Variants in MOGAT1 observed in about 807,000 individuals in gnomAD.
The protein encoded by MOGAT1 is 2-acylglycerol O-acyltransferase 1.
MOGAT1 carries 32 observed loss-of-function variants against 31.4 expected under a neutral mutation model. The ratio of observed to expected loss-of-function variants is 1.02; its 90% CI spans 0.77 to 1.37. The LOEUF (loss-of-function observed/expected upper bound fraction) is 1.37. Ranked by LOEUF, MOGAT1 falls within the 40% of genes most tolerant of loss-of-function variation. The probability of loss-of-function intolerance (pLI) is 0.00; values close to 1 mark genes in which losing one functional copy is unlikely to be tolerated. For missense variants in MOGAT1, 426 were observed against 402.0 expected, an observed-to-expected ratio of 1.06 and a Z score of -0.51; for synonymous variants, 145 against 144.5, an observed-to-expected ratio of 1.00 and a Z score of -0.03.
intron 3 of MOGAT1, 105 bp downstream of exon 3, chr2:222,689,574 C>A (rs1379029226): frequency 9.8e-7 from 1 of 1,020,804 alleles, no homozygotes; most frequent in Non-Finnish European, 1.5e-6. Context: ...TAGAGTAAAA[C>A]CTGTTTTATC....
At chr2:222,672,084 C>A (rs951863124) in intron 1 of MOGAT1, among the ~76,000 whole-genome samples, 33 of 152,290 alleles carry the variant, frequency 2.2e-4, no homozygotes, top group Admixed American at 2.0e-3. Context: ...ATTTTATTTT[C>A]TCCTGCGTTA....
chr2:222,673,331 CAAAA>C (rs57706625), intron 1 of MOGAT1, among the ~76,000 whole-genome samples: 10 of 102,234 alleles, frequency 9.8e-5, no homozygotes, highest in Non-Finnish European at 1.8e-4. Flanking sequence ...TAGAATTTAC[CAAAA>C]AAAAAAAAAA....
At chr2:222,679,887 A>G (rs1391531932) in intron 1 of MOGAT1, among the ~76,000 whole-genome samples, 1 of 152,232 alleles carries the variant, frequency 6.6e-6, no homozygotes, top group Non-Finnish European at 1.5e-5. Flanking sequence ...GAGTCCGTGT[A>G]ATAAGGAAGT....
At chr2:222,691,955 C>T (rs975989597) in intron 3 of MOGAT1, among the ~76,000 whole-genome samples, 3 of 152,230 alleles carry the variant, frequency 2.0e-5, no homozygotes, top group Non-Finnish European at 4.4e-5. Flanking sequence ...GTTCATACTT[C>T]TTTCTGTTTA....
chr2:222,695,223 A>G lies in MOGAT1; in HGVS notation c.788A>G (p.His263Arg). 1 of 1,613,750 alleles carries G rather than the reference A, an allele frequency of 6.2e-7. No homozygotes were observed. Among genetic ancestry groups the G allele is most frequent in the Non-Finnish European group, 8.5e-7 (1 of 1,179,770 alleles). Residue 263 changes from histidine to arginine, a missense_variant, in exon 5 of 6, where the codon CAT becomes CGT. His to Arg is a conservative substitution (Grantham distance 29). Transcript: ENST00000446656. ...KIMGFALPLF[H>R]ARGVFQYNFG... ...ATGGGGTTTGCTTTGCCCCTGTTTC[A>G]TGCCAGGGGAGTTTTTCAGTACAAT...
At position 222,672,379 on chromosome 2, in the gene MOGAT1, T is replaced by C. The variant is rs549109493; in HGVS notation, c.94+500T>C. 9.2e-4 allele frequency among the ~76,000 whole-genome samples: 140 copies of C among 152,300 alleles called. 2 individuals are homozygous for C. In the South Asian group the frequency reaches 0.013, roughly 14 times the overall value. Reference sequence around the variant, plus strand: ...TTTCCCGTTTTGGAGATTTCCTGGATGCATAGCAGTACCTTTCTGTAAAGA... The same window carrying C: ...TTTCCCGTTTTGGAGATTTCCTGGACGCATAGCAGTACCTTTCTGTAAAGA... On this transcript the variant is annotated intron_variant, in intron 1 of 5. Coordinates refer to ENST00000446656, the MANE Select transcript of MOGAT1 (RefSeq NM_058165.3).
chr2:222,691,781 T>C (rs1692766699), intron 3 of MOGAT1, among the ~76,000 whole-genome samples: 1 of 152,146 alleles, frequency 6.6e-6, no homozygotes, highest in African/African-American at 2.4e-5. Flanking sequence ...TAAGGAACCA[T>C]AGGGCTTCAG....
chr2:222,688,641 G>A, intron 2 of MOGAT1, 119 bp downstream of exon 2: 2 of 721,298 alleles, frequency 2.8e-6, no homozygotes, highest in Non-Finnish European at 4.4e-6. Context: ...GTTTTGTGCT[G>A]CTGTAACAGA....
At chr2:222,673,524 A>G (rs1380859415) in intron 1 of MOGAT1, among the ~76,000 whole-genome samples, 1 of 152,144 alleles carries the variant, frequency 6.6e-6, no homozygotes, top group Non-Finnish European at 1.5e-5. Context: ...CATCCCTGTG[A>G]GGTAAGGACT....
intron 3 of MOGAT1, among the ~76,000 whole-genome samples, chr2:222,692,028 C>CT (rs751943198): frequency 2.0e-5 from 3 of 152,180 alleles, no homozygotes; most frequent in Non-Finnish European, 4.4e-5. Context: ...ATACAGAGGA[C>CT]TTTCGATTTT....
chr2:222,700,850 G>T (rs184814984), intron 5 of MOGAT1, among the ~76,000 whole-genome samples: 1 of 152,290 alleles, frequency 6.6e-6, no homozygotes, highest in East Asian at 1.9e-4. Flanking sequence ...ATGCAGTGTG[G>T]CTTCATTGCT....
intron 5 of MOGAT1, among the ~76,000 whole-genome samples, chr2:222,701,212 A>G (rs1235311815): frequency 6.6e-6 from 1 of 151,842 alleles, no homozygotes; most frequent in Non-Finnish European, 1.5e-5. Flanking sequence ...GTGAGCGGAG[A>G]TCGTGCCACT....
chr2:222,683,473 A>T (rs1043037978), intron 1 of MOGAT1, among the ~76,000 whole-genome samples: 1 of 151,516 alleles, frequency 6.6e-6, no homozygotes, highest in Non-Finnish European at 1.5e-5. Context: ...CACGCTTGTA[A>T]TCCCAGCATT....
intron 1 of MOGAT1, among the ~76,000 whole-genome samples, chr2:222,673,830 A>G (rs1038474505): frequency 1.3e-5 from 2 of 152,204 alleles, no homozygotes; most frequent in African/African-American, 4.8e-5. Context: ...GTCTTAGTCT[A>G]CAAGCTTAGT....
chr2:222,678,941 G>T (rs193065065), intron 1 of MOGAT1, among the ~76,000 whole-genome samples: 1 of 151,702 alleles, frequency 6.6e-6, no homozygotes, highest in Non-Finnish European at 1.5e-5. Flanking sequence ...AAAAAACTCC[G>T]TCTCAAAAAA....
rs552036218 is a variant in MOGAT1, at chr2:222,694,876, G to A, written c.654-213G>A. ...TTTCCTGGAACCCTAATTTTCTATA[G>A]AATAAAATCCTGTCAATGGCTAGCC... is the stretch of plus-strand genomic sequence containing the variant. On this transcript the variant is annotated intron_variant, in intron 4 of 5. Transcript: ENST00000446656. 2.6e-5 allele frequency among the ~76,000 whole-genome samples: 4 copies of A among 152,248 alleles called. No homozygotes were observed. The South Asian group carries it at 8.3e-4, about 32-fold the overall frequency.
chr2:222,697,271 G>T (rs889189674), intron 5 of MOGAT1, among the ~76,000 whole-genome samples: 4 of 152,116 alleles, frequency 2.6e-5, no homozygotes, highest in African/African-American at 9.7e-5. Flanking sequence ...GCTAGGCTAG[G>T]ATTTTACTAC....
chr2:222,698,566 C>G (rs1692870743), intron 5 of MOGAT1: 1 of 152,202 alleles, frequency 6.6e-6, no homozygotes, highest in South Asian at 2.1e-4. Flanking sequence ...CTCGAGTAGC[C>G]CTTGCACTGG....
intron 1 of MOGAT1, among the ~76,000 whole-genome samples, chr2:222,672,417 T>G (rs1376087493): frequency 6.6e-6 from 1 of 152,168 alleles, no homozygotes; most frequent in Non-Finnish European, 1.5e-5. Context: ...GCTGCACCAC[T>G]CATTGCATTT....
Sources: allele counts gnomAD v4.1 joint callset (sites outside exome capture counted in the v4.1 genomes callset), GRCh38; gene constraint gnomAD v4.1.1; transcripts MANE v1.5; gene names NCBI Gene and HGNC (gene_info 2026-07-23, HGNC 2026-07-21).